RIMS2: variants seen among roughly 807,000 people sequenced by gnomAD.
RIMS2 encodes the protein regulating synaptic membrane exocytosis 2, also known as regulating synaptic membrane exocytosis protein 2.
In RIMS2, 59 loss-of-function variants were observed where a neutral mutation model predicts 174.4. The ratio of observed to expected loss-of-function variants is 0.34; its 90% CI spans 0.27 to 0.42. The LOEUF is 0.42. Ranked by LOEUF, RIMS2 falls within the 10% of genes least tolerant of loss-of-function variation. RIMS2 has a pLI of 1.00. For missense variants in RIMS2, 1,620 were observed against 1,666.3 expected, an observed-to-expected ratio of 0.97 and a Z score of 0.48; for synonymous variants, 606 against 572.5, an observed-to-expected ratio of 1.06 and a Z score of -0.84.
intron 12 of RIMS2, among the ~76,000 whole-genome samples, chr8:103,932,249 T>G (rs1054451797): frequency 2.6e-5 from 4 of 152,216 alleles, no homozygotes; most frequent in Non-Finnish European, 5.9e-5. Flanking sequence ...GTTTATACGC[T>G]TTTGGAATCT....
At chr8:104,251,100 G>C in exon 23 of RIMS2, 2 of 1,613,522 alleles carry the variant, frequency 1.2e-6, no homozygotes, top group African/African-American at 1.3e-5. Context: ...CAAGAAAAAC[G>C]CTGGAACCCC....
chr8:103,963,794 C>T (rs991578212), intron 15 of RIMS2, among the ~76,000 whole-genome samples: 1 of 152,118 alleles, frequency 6.6e-6, no homozygotes, highest in Non-Finnish European at 1.5e-5. Flanking sequence ...TGACATGTAT[C>T]CATCATTATA....
At position 103,891,902 on chromosome 8, in the gene RIMS2, A is replaced by C. The variant is rs573378571; in HGVS notation, c.1624+5679A>C. Reference sequence around the variant, plus strand: ...AGAAGCGTTATCCTTTAAGCTTTTAAAACAAACCCAAAAGATGTCGGCTTT... The same window carrying C: ...AGAAGCGTTATCCTTTAAGCTTTTACAACAAACCCAAAAGATGTCGGCTTT... On this transcript the variant is annotated intron_variant, in intron 4 of 23. Coordinates refer to ENST00000504942, the Ensembl canonical transcript of RIMS2. 1.4e-4 allele frequency among the ~76,000 whole-genome samples: 22 copies of C among 152,214 alleles called. 1 individual carries two copies. The South Asian group carries it at 1.4e-3, about 10-fold the overall frequency.
At chr8:103,847,274 T>C (rs1209670359) in intron 3 of RIMS2, among the ~76,000 whole-genome samples, 1 of 152,044 alleles carries the variant, frequency 6.6e-6, no homozygotes, top group Admixed American at 6.6e-5. Flanking sequence ...GAATTCTACG[T>C]ATCGGGGGCA....
At chr8:104,029,084 G>T (rs1237510753) in intron 19 of RIMS2, among the ~76,000 whole-genome samples, 2 of 152,172 alleles carry the variant, frequency 1.3e-5, no homozygotes, top group African/African-American at 4.8e-5. Context: ...GTAACTTCCT[G>T]ACATTGCCAT....
At chr8:104,251,026 C>A in exon 23 of RIMS2, 1 of 1,612,500 alleles carries the variant, frequency 6.2e-7, no homozygotes, top group Non-Finnish European at 8.5e-7. Flanking sequence ...TTCCCAAGCA[C>A]CGTATGTAAA....
At chr8:103,532,914 C>CAGTAGAGTATG (rs1446621156) in intron 1 of RIMS2, among the ~76,000 whole-genome samples, 1 of 151,950 alleles carries the variant, frequency 6.6e-6, no homozygotes, top group Non-Finnish European at 1.5e-5. Context: ...CTTTAAAGTA[C>CAGTAGAGTATG]AGTAGAGTAT....
At chr8:103,597,748 C>T (rs1263017993) in intron 1 of RIMS2, among the ~76,000 whole-genome samples, 4 of 151,730 alleles carry the variant, frequency 2.6e-5, no homozygotes, top group African/African-American at 7.3e-5. Context: ...TATTCACCTG[C>T]TATCTGAACC....
intron 1 of RIMS2, among the ~76,000 whole-genome samples, chr8:103,667,548 C>G (rs191761145): frequency 6.6e-6 from 1 of 152,152 alleles, no homozygotes; most frequent in Admixed American, 6.6e-5. Context: ...TTCTTGAACA[C>G]GTTGTTTTTC....
chr8:103,752,808 A>G (rs28883573), intron 2 of RIMS2, among the ~76,000 whole-genome samples: 58,811 of 151,848 alleles, frequency 0.39, 11,799 homozygotes, highest in African/African-American at 0.44. Context: ...TGCTGAAGTT[A>G]CTTATCAGCT....
intron 19 of RIMS2, among the ~76,000 whole-genome samples, chr8:104,094,883 C>G (rs984489802): frequency 6.6e-6 from 1 of 152,012 alleles, no homozygotes; most frequent in Non-Finnish European, 1.5e-5. Flanking sequence ...AAACTATTAT[C>G]AAATAGATTG....
chr8:103,560,491 G>C (rs968825754), intron 1 of RIMS2, among the ~76,000 whole-genome samples: 1 of 152,190 alleles, frequency 6.6e-6, no homozygotes, highest in African/African-American at 2.4e-5. Flanking sequence ...ATCTTCAGAA[G>C]GGAGCGCACT....
chr8:103,534,533 A>T (rs540399723), intron 1 of RIMS2, among the ~76,000 whole-genome samples: 1 of 152,246 alleles, frequency 6.6e-6, no homozygotes, highest in Non-Finnish European at 1.5e-5. Context: ...ATCATCAATT[A>T]AAAACATTCT....
intron 4 of RIMS2, among the ~76,000 whole-genome samples, chr8:103,902,241 A>G (rs1035270072): frequency 1.3e-5 from 2 of 152,194 alleles, no homozygotes; most frequent in African/African-American, 2.4e-5. Flanking sequence ...CCTTTGTAAC[A>G]TGTGCTTTAC....
chr8:103,894,093 A>G (rs2099263532), intron 4 of RIMS2, among the ~76,000 whole-genome samples: 2 of 152,062 alleles, frequency 1.3e-5, no homozygotes, highest in Non-Finnish European at 2.9e-5. Context: ...TGAAAATTTA[A>G]GTCACCAGAT....
intron 1 of RIMS2, among the ~76,000 whole-genome samples, chr8:103,619,435 G>T (rs1431877990): frequency 6.6e-6 from 1 of 151,914 alleles, no homozygotes; most frequent in African/African-American, 2.4e-5. Context: ...AAGAAGTAAA[G>T]ATATATAAAT....
intron 15 of RIMS2, among the ~76,000 whole-genome samples, chr8:103,965,465 A>G (rs1338116467): frequency 1.3e-5 from 2 of 152,134 alleles, no homozygotes; most frequent in East Asian, 3.8e-4. Context: ...TGGGAAAGTT[A>G]TTGACTTTGG....
intron 19 of RIMS2, among the ~76,000 whole-genome samples, chr8:104,062,741 T>C (rs1045876658): frequency 9.2e-5 from 14 of 152,156 alleles, no homozygotes; most frequent in African/African-American, 3.4e-4. Flanking sequence ...GAGTCCACAA[T>C]TTGGCTTTTT....
At position 103,908,389 on chromosome 8, in the gene RIMS2, C is replaced by T. The variant is rs928669335; in HGVS notation, c.1625-1745C>T. 2.6e-5 allele frequency among the ~76,000 whole-genome samples: 4 copies of T among 152,134 alleles called. 1 individual carries two copies. The highest frequency in any genetic ancestry group is 9.7e-5 in the African/African-American group (4 of 41,428). The stretch of plus-strand genomic sequence containing the variant: ...TTGACCAGATTCCTTCTTATATGTC[C>T]ACTAGGTTCAAATAATATATCAAAA... On this transcript the variant is annotated intron_variant, in intron 4 of 23. Coordinates refer to ENST00000504942, the Ensembl canonical transcript of RIMS2.
Sources: allele counts gnomAD v4.1 joint callset (sites outside exome capture counted in the v4.1 genomes callset), GRCh38; gene constraint gnomAD v4.1.1; transcripts MANE v1.5; gene names NCBI Gene and HGNC (gene_info 2026-07-23, HGNC 2026-07-21).